Variants in CENPE observed in about 807,000 individuals in gnomAD.
CENPE encodes the protein centromere-associated protein E.
CENPE carries 145 observed loss-of-function variants against 336.1 expected under a neutral mutation model. The observed-to-expected ratio is 0.43, with a 90% CI of 0.38 to 0.50. The LOEUF (loss-of-function observed/expected upper bound fraction) is 0.50, where lower values mean the gene tolerates loss of function less well. Ranked by LOEUF, CENPE falls within the 20% of genes least tolerant of loss-of-function variation. CENPE has a pLI of 0.00. For synonymous variants in CENPE, 1,013 were observed against 984.8 expected (o/e 1.03, Z -0.54); for missense variants, 2,719 against 3,023.3 (o/e 0.90, Z 2.36).
In CENPE at chr4:103,194,370, C is replaced by T; in HGVS notation, c.627+4G>A. ...AGATCTAACAGATAGATAGAATTAC[C>T]TACCATCCTAAAGATGGTATGAGAA... On this transcript the variant is annotated splice_donor_region_variant and intron_variant, in intron 7 of 48. Coordinates refer to ENST00000265148, the MANE Select transcript of CENPE (RefSeq NM_001813.3). The T allele has an allele frequency of 1.2e-6, 2 of 1,605,474 alleles. No homozygotes were observed. Among genetic ancestry groups the T allele is most frequent in the African/African-American group, 1.3e-5 (1 of 74,804 alleles).
At chr4:103,117,910 G>A (rs1399081803) in intron 44 of CENPE, among the ~76,000 whole-genome samples, 1 of 152,128 alleles carries the variant, frequency 6.6e-6, no homozygotes, top group African/African-American at 2.4e-5. Flanking sequence ...TTACAGGCAT[G>A]AGCCACTGCG....
rs11932885 is a variant in CENPE, at chr4:103,177,142, G to C, written c.1243-96C>G. On this transcript the variant is annotated intron_variant, in intron 13 of 48. Coordinates refer to ENST00000265148, the MANE Select transcript of CENPE (RefSeq NM_001813.3). The stretch of plus-strand genomic sequence containing the variant: ...TTCTATTTTTGAAAACCATTGACTT[G>C]GTAGAATTCTTATTAAGCCTAGTTT... The C allele has an allele frequency of 0.011, 10,971 of 992,324 alleles. 771 individuals carry two copies. The African/African-American group carries it at 0.16, about 14-fold the overall frequency. 61.5% of individuals were successfully genotyped at this position (992,324 alleles called of 1,614,324 possible). A position where few individuals can be genotyped will look rare whatever the true frequency, so the allele number is the denominator to read the frequency against.
At chr4:103,127,482 G>C (rs902400549) in intron 42 of CENPE, among the ~76,000 whole-genome samples, 2 of 152,046 alleles carry the variant, frequency 1.3e-5, no homozygotes, top group Admixed American at 6.6e-5. Flanking sequence ...AAATGATATA[G>C]CCAGAAACTC....
intron 35 of CENPE, 67 bp from the exon 36 acceptor site, chr4:103,141,171 T>C (rs1411391770): frequency 7.6e-6 from 7 of 922,908 alleles, no homozygotes; most frequent in East Asian, 5.2e-5. Context: ...AGTTTCTAAA[T>C]TGATTAAGAC....
intron 8 of CENPE, among the ~76,000 whole-genome samples, chr4:103,190,712 C>T (rs1217290892): frequency 1.3e-5 from 2 of 152,132 alleles, no homozygotes; most frequent in Non-Finnish European, 2.9e-5. Context: ...CTAGGCAATA[C>T]CATTCAGGAC....
intron 8 of CENPE, 150 bp downstream of exon 8, chr4:103,194,079 T>G: frequency 1.7e-6 from 1 of 578,520 alleles, no homozygotes; most frequent in Non-Finnish European, 3.0e-6. Flanking sequence ...GCTAGGAATT[T>G]GATGATACTG....
chr4:103,182,125 CTT>C (rs1756375858), intron 11 of CENPE, among the ~76,000 whole-genome samples: 1 of 147,478 alleles, frequency 6.8e-6, no homozygotes, highest in African/African-American at 2.5e-5. Flanking sequence ...TAGTTTCGCT[CTT>C]GTTGCCTAGG....
At chr4:103,169,063 TAGAG>T (rs1012464462) in intron 16 of CENPE, among the ~76,000 whole-genome samples, 12 of 151,414 alleles carry the variant, frequency 7.9e-5, no homozygotes, top group African/African-American at 2.9e-4. Context: ...CAAGAAAACA[TAGAG>T]AAACAATCCA....
intron 46 of CENPE, among the ~76,000 whole-genome samples, chr4:103,111,657 G>T (rs1749441150): frequency 6.6e-6 from 1 of 151,294 alleles, no homozygotes; most frequent in Non-Finnish European, 1.5e-5. Flanking sequence ...ATTTTATTTT[G>T]AATTCATCTA....
At chr4:103,118,383 G>A (rs1469274891) in intron 44 of CENPE, among the ~76,000 whole-genome samples, 1 of 152,110 alleles carries the variant, frequency 6.6e-6, no homozygotes, top group African/African-American at 2.4e-5. Context: ...AGATTGATTG[G>A]TTGTTTCCTA....
intron 47 of CENPE, among the ~76,000 whole-genome samples, 184 bp downstream of exon 47, chr4:103,110,644 C>T (rs1249891875): frequency 6.6e-6 from 1 of 152,146 alleles, no homozygotes; most frequent in Non-Finnish European, 1.5e-5. Flanking sequence ...AGACAGCAAA[C>T]ATTGGAATAG....
chr4:103,168,713 T>A (rs1001312276), intron 16 of CENPE, among the ~76,000 whole-genome samples: 1 of 152,162 alleles, frequency 6.6e-6, no homozygotes, highest in Non-Finnish European at 1.5e-5. Flanking sequence ...TGGCCCTGGA[T>A]CTTGATACTG....
chr4:103,114,228 A>G (rs1241144581), intron 46 of CENPE, among the ~76,000 whole-genome samples: 4 of 152,184 alleles, frequency 2.6e-5, no homozygotes, highest in Non-Finnish European at 4.4e-5. Flanking sequence ...ATACAAAAGC[A>G]GAGTTCGTAT....
At chr4:103,115,127 T>G (rs909239346) in intron 45 of CENPE, among the ~76,000 whole-genome samples, 4 of 151,686 alleles carry the variant, frequency 2.6e-5, no homozygotes, top group African/African-American at 9.7e-5. Flanking sequence ...CCCTATTCTT[T>G]ACTTTTCTTT....
chr4:103,185,745 A>G, intron 9 of CENPE, 65 bp downstream of exon 9: 1 of 988,156 alleles, frequency 1.0e-6, no homozygotes, highest in South Asian at 1.7e-5. Flanking sequence ...AATGCCTGGT[A>G]GTACTTTTTA....
Position 103,158,648 on chromosome 4 carries a change from T to C in CENPE, c.2840A>G (p.Gln947Arg), listed in dbSNP as rs1159645436. The change falls in exon 23 of 49, where the codon CAA becomes CGA. Residue 947 changes from glutamine to arginine, a missense_variant. Transcript: ENST00000265148. ...AGTATCGTGAATATCACTTTTGAGT[T>C]GGTCCCTCTCAATTTGCAAGCTTTC... ...LQESLQIERD[Q>R]LKSDIHDTVN... The C allele has an allele frequency of 3.1e-6, 5 of 1,608,646 alleles. No homozygotes were observed. Among genetic ancestry groups the C allele is most frequent in the Non-Finnish European group, 3.4e-6 (4 of 1,178,456 alleles).
intron 15 of CENPE, among the ~76,000 whole-genome samples, chr4:103,175,287 T>C (rs1449060139): frequency 6.6e-6 from 1 of 151,904 alleles, no homozygotes; most frequent in African/African-American, 2.4e-5. Flanking sequence ...TGTTTTACTA[T>C]AAAGAGGCCT....
chr4:103,151,311 C>T lies in CENPE; in HGVS notation c.3304G>A (p.Ala1102Thr), dbSNP rs372322080. 73 of 1,607,184 alleles carry T rather than the reference C, an allele frequency of 4.5e-5. No individual in the cohort carries two copies. The highest frequency in any genetic ancestry group is 5.9e-5 in the Non-Finnish European group (70 of 1,178,586). ...TTTATGGCATGGTTCTTTTCTTGTG[C>T]AACTATCTCTTGTTGCTTTTTAAGT... ...DELKKQQEIV[A>T]QEKNHAIKKE... is the part of the protein sequence containing the mutation. The change falls in exon 26 of 49, where the codon GCA becomes ACA. Residue 1102 changes from alanine (A) to threonine (T), a missense_variant. By Grantham distance (58) the Ala-to-Thr change is moderately conservative. Coordinates refer to ENST00000265148, the MANE Select transcript of CENPE (RefSeq NM_001813.3).
intron 43 of CENPE, 148 bp from the exon 44 acceptor site, chr4:103,120,481 A>C: frequency 1.6e-6 from 1 of 622,818 alleles, no homozygotes; most frequent in South Asian, 2.2e-5. Flanking sequence ...AACATCATTC[A>C]ATCTACAGAC....
Sources: gnomAD v4.1 joint callset for allele counts (sites outside exome capture counted in the v4.1 genomes callset) on GRCh38, gnomAD v4.1.1 for gene constraint, MANE v1.5 for transcripts, NCBI Gene and HGNC (gene_info 2026-07-23, HGNC 2026-07-21) for gene names.